The following TSPAN18 variants were observed in gnomAD, a reference collection of about 807,000 sequenced individuals.
The protein encoded by TSPAN18 is tetraspanin-18.
In TSPAN18, 14 loss-of-function variants were observed where a neutral mutation model predicts 27.3. That is an observed-to-expected ratio of 0.51 (90% CI 0.34 to 0.80). The LOEUF (loss-of-function observed/expected upper bound fraction) is 0.80, where lower values mean the gene tolerates loss of function less well. TSPAN18 is among the 30% of genes least tolerant of loss of function. The probability of loss-of-function intolerance (pLI) is 0.01; values close to 1 mark genes in which losing one functional copy is unlikely to be tolerated. For synonymous variants in TSPAN18, 143 were observed against 136.5 expected (o/e 1.05, Z -0.33); for missense variants, 268 against 323.9 (o/e 0.83, Z 1.32).
chr11:44,846,783 T>G (rs893116700), intron 2 of TSPAN18, among the ~76,000 whole-genome samples: 48 of 152,218 alleles, frequency 3.2e-4, no homozygotes, highest in Admixed American at 3.1e-3. Flanking sequence ...GAAGTTCTTC[T>G]CCACCTTCTA....
intron 5 of TSPAN18, among the ~76,000 whole-genome samples, chr11:44,914,868 C>T (rs1334659817): frequency 2.0e-5 from 3 of 152,228 alleles, no homozygotes; most frequent in East Asian, 1.9e-4. Context: ...GAGCCGCCCA[C>T]ACCAGCACTT....
chr11:44,899,030 T>C (rs1859164446), intron 3 of TSPAN18, among the ~76,000 whole-genome samples: 1 of 152,138 alleles, frequency 6.6e-6, no homozygotes, highest in Non-Finnish European at 1.5e-5. Context: ...CACATGAACC[T>C]TCAGACCACA....
At chr11:44,800,755 T>C (rs1342136583) in intron 2 of TSPAN18, among the ~76,000 whole-genome samples, 2 of 152,156 alleles carry the variant, frequency 1.3e-5, no homozygotes, top group East Asian at 1.9e-4. Context: ...CTTCCTAGGA[T>C]TGGGGACAGG....
At chr11:44,872,664 A>T (rs772615200) in intron 3 of TSPAN18, among the ~76,000 whole-genome samples, 1 of 152,180 alleles carries the variant, frequency 6.6e-6, no homozygotes, top group African/African-American at 2.4e-5. Context: ...AATGCTTTAC[A>T]TAAGTTATTG....
chr11:44,908,685 G>C (rs1859546894), intron 4 of TSPAN18, among the ~76,000 whole-genome samples: 1 of 150,816 alleles, frequency 6.6e-6, no homozygotes, highest in Non-Finnish European at 1.5e-5. Context: ...AGTGAGATGT[G>C]ATCCCGCCAC....
intron 2 of TSPAN18, among the ~76,000 whole-genome samples, chr11:44,773,481 A>T (rs1460272110): frequency 6.6e-6 from 1 of 152,110 alleles, no homozygotes; most frequent in Non-Finnish European, 1.5e-5. Flanking sequence ...TAGAACTTAG[A>T]TCACTAAAAG....
chr11:44,730,802 T>A (rs1049716576), intron 1 of TSPAN18, among the ~76,000 whole-genome samples: 8 of 147,736 alleles, frequency 5.4e-5, no homozygotes, highest in Non-Finnish European at 1.2e-4. Flanking sequence ...TTTTTTTGAA[T>A]TTTTAGTAGA....
chr11:44,917,053 C>A (rs1307458705), intron 5 of TSPAN18, among the ~76,000 whole-genome samples: 1 of 152,194 alleles, frequency 6.6e-6, no homozygotes, highest in Non-Finnish European at 1.5e-5. Flanking sequence ...ATGTAAGAGT[C>A]CTGCACCAAC....
At chr11:44,893,512 G>GA (rs1858927749) in intron 3 of TSPAN18, among the ~76,000 whole-genome samples, 2 of 152,336 alleles carry the variant, frequency 1.3e-5, no homozygotes, top group South Asian at 4.1e-4. Flanking sequence ...CAGCCAGTGA[G>GA]CAAATAAGTC....
At chr11:44,893,407 T>C (rs1590641685) in intron 3 of TSPAN18, among the ~76,000 whole-genome samples, 1 of 152,216 alleles carries the variant, frequency 6.6e-6, no homozygotes, top group Non-Finnish European at 1.5e-5. Context: ...GCTGTGACCA[T>C]GTCCCCATGT....
chr11:44,758,827 C>CG (rs1354900550), intron 1 of TSPAN18, among the ~76,000 whole-genome samples: 2 of 152,108 alleles, frequency 1.3e-5, no homozygotes, highest in South Asian at 2.1e-4. Context: ...CTCAGGTTTG[C>CG]GGGGGCACAA....
chr11:44,860,820 C>T (rs117506847), intron 3 of TSPAN18, among the ~76,000 whole-genome samples: 176 of 152,308 alleles, frequency 1.2e-3, no homozygotes, highest in Non-Finnish European at 2.1e-3. Flanking sequence ...AAGCAAGAAC[C>T]AGTGGTGGGT....
intron 2 of TSPAN18, among the ~76,000 whole-genome samples, chr11:44,814,353 G>A (rs932087184): frequency 1.3e-5 from 2 of 151,994 alleles, no homozygotes; most frequent in Non-Finnish European, 2.9e-5. Context: ...ATGAAGACAC[G>A]TGGCTCCATG....
chr11:44,817,803 G>A (rs1160135842), intron 2 of TSPAN18, among the ~76,000 whole-genome samples: 4 of 152,216 alleles, frequency 2.6e-5, no homozygotes, highest in Non-Finnish European at 4.4e-5. Context: ...ACAATACATG[G>A]TGTCCAACCC....
intron 1 of TSPAN18, among the ~76,000 whole-genome samples, chr11:44,759,422 A>C (rs1457051751): frequency 6.6e-6 from 1 of 152,228 alleles, no homozygotes; most frequent in Non-Finnish European, 1.5e-5. Flanking sequence ...CAGAGTCCTA[A>C]GAGTCTCAGT....
At chr11:44,804,324 CCT>C (rs1312924352) in intron 2 of TSPAN18, among the ~76,000 whole-genome samples, 1 of 152,180 alleles carries the variant, frequency 6.6e-6, no homozygotes, top group East Asian at 1.9e-4. Flanking sequence ...AACTCCTGAC[CCT>C]GTGATCTGCC....
chr11:44,789,401 C>T (rs1416431325), intron 2 of TSPAN18, among the ~76,000 whole-genome samples: 1 of 152,172 alleles, frequency 6.6e-6, no homozygotes, highest in Non-Finnish European at 1.5e-5. Flanking sequence ...GAAAAAAGCT[C>T]TTCAATTTGT....
intron 3 of TSPAN18, among the ~76,000 whole-genome samples, chr11:44,883,702 A>G (rs1205446109): frequency 6.6e-6 from 1 of 152,148 alleles, no homozygotes; most frequent in Non-Finnish European, 1.5e-5. Flanking sequence ...TCTGACTCCC[A>G]CTACAACGCT....
intron 2 of TSPAN18, among the ~76,000 whole-genome samples, chr11:44,834,436 CTG>C (rs1857221934): frequency 6.6e-6 from 1 of 152,210 alleles, no homozygotes; most frequent in Non-Finnish European, 1.5e-5. Context: ...TCAGAGCACA[CTG>C]TGTGTGCCTG....
Sources: gnomAD v4.1 joint callset for allele counts (sites outside exome capture counted in the v4.1 genomes callset) on GRCh38, gnomAD v4.1.1 for gene constraint, MANE v1.5 for transcripts, NCBI Gene and HGNC (gene_info 2026-07-23, HGNC 2026-07-21) for gene names.